GRM7: variants seen among roughly 807,000 people sequenced by gnomAD.
GRM7 encodes glutamate metabotropic receptor 7.
GRM7 carries 35 observed loss-of-function variants against 84.5 expected under a neutral mutation model. That is an observed-to-expected ratio of 0.41 (90% CI 0.32 to 0.55). GRM7 has a LOEUF of 0.55. GRM7 is among the 20% of genes least tolerant of loss of function. The pLI, the probability that GRM7 is intolerant of heterozygous loss-of-function variation, is 0.19. For missense variants in GRM7, 1,003 were observed against 1,194.6 expected (o/e 0.84, Z 2.36); for synonymous variants, 487 against 455.1 (o/e 1.07, Z -0.89).
chr3:7,275,896 C>G (rs1699034465), intron 2 of GRM7, among the ~76,000 whole-genome samples: 1 of 152,032 alleles, frequency 6.6e-6, no homozygotes, highest in African/African-American at 2.4e-5. Flanking sequence ...CAGATTTATC[C>G]ACACTGACCC....
At chr3:7,170,472 C>T (rs1694948057) in intron 2 of GRM7, among the ~76,000 whole-genome samples, 1 of 152,084 alleles carries the variant, frequency 6.6e-6, no homozygotes, top group Non-Finnish European at 1.5e-5. Flanking sequence ...CCCTGAATGC[C>T]AGATTGTTTT....
intron 1 of GRM7, among the ~76,000 whole-genome samples, chr3:7,012,930 G>A (rs1695426913): frequency 6.6e-6 from 1 of 152,104 alleles, no homozygotes; most frequent in Non-Finnish European, 1.5e-5. Context: ...TGTAGAGACA[G>A]GGTCTCAGTA....
At chr3:7,500,162 A>G (rs2124963190) in intron 7 of GRM7, among the ~76,000 whole-genome samples, 1 of 152,312 alleles carries the variant, frequency 6.6e-6, no homozygotes. Flanking sequence ...ATACCAGGTT[A>G]AGGTATCTTC....
intron 4 of GRM7, among the ~76,000 whole-genome samples, chr3:7,371,240 C>G (rs1476096775): frequency 6.6e-6 from 1 of 152,126 alleles, no homozygotes; most frequent in African/African-American, 2.4e-5. Context: ...GCTATGGAAG[C>G]TTCTGAAAAC....
At chr3:7,652,401 G>A (rs748661611) in intron 8 of GRM7, among the ~76,000 whole-genome samples, 8 of 152,172 alleles carry the variant, frequency 5.3e-5, no homozygotes, top group East Asian at 1.9e-4. Flanking sequence ...AGCAGTACCC[G>A]GCAAAGAGCA....
At chr3:7,658,254 A>G (rs145342590) in intron 8 of GRM7, among the ~76,000 whole-genome samples, 113 of 152,368 alleles carry the variant, frequency 7.4e-4, no homozygotes, top group African/African-American at 2.5e-3. Context: ...TAATGAATTT[A>G]GAGCATACAG....
intron 9 of GRM7, among the ~76,000 whole-genome samples, chr3:7,739,939 C>A (rs1702633482): frequency 6.6e-6 from 1 of 152,166 alleles, no homozygotes; most frequent in Admixed American, 6.6e-5. Flanking sequence ...CTGCATTCAA[C>A]CTCAACTAAT....
At chr3:7,314,354 A>G (rs1454679457) in intron 4 of GRM7, among the ~76,000 whole-genome samples, 1 of 150,768 alleles carries the variant, frequency 6.6e-6, no homozygotes, top group Non-Finnish European at 1.5e-5. Context: ...CACTGTCATC[A>G]CATCATCATT....
intron 1 of GRM7, among the ~76,000 whole-genome samples, chr3:7,143,547 A>T (rs911068760): frequency 6.6e-6 from 1 of 152,166 alleles, no homozygotes; most frequent in African/African-American, 2.4e-5. Flanking sequence ...GATAGACCAC[A>T]GATAGTAACC....
intron 1 of GRM7, among the ~76,000 whole-genome samples, chr3:6,946,732 T>A (rs1057048648): frequency 1.3e-5 from 2 of 152,224 alleles, no homozygotes; most frequent in Admixed American, 1.3e-4. Flanking sequence ...CTCTTTTATT[T>A]CATTGAGCAG....
chr3:7,340,981 C>CA (rs1701616191), intron 4 of GRM7, among the ~76,000 whole-genome samples: 1 of 152,110 alleles, frequency 6.6e-6, no homozygotes, highest in South Asian at 2.1e-4. Context: ...CTCTGCCTCT[C>CA]ACAGCTTCCT....
At chr3:7,268,013 A>G (rs1698710949) in intron 2 of GRM7, among the ~76,000 whole-genome samples, 1 of 152,176 alleles carries the variant, frequency 6.6e-6, no homozygotes. Flanking sequence ...TGGTCACAGT[A>G]GAGAGAACCT....
chr3:7,201,593 T>C (rs1396189741), intron 2 of GRM7, among the ~76,000 whole-genome samples: 1 of 152,202 alleles, frequency 6.6e-6, no homozygotes, highest in African/African-American at 2.4e-5. Context: ...AGGTTTGCTA[T>C]GTACCAGGTA....
At chr3:7,362,358 A>G (rs889262763) in intron 4 of GRM7, among the ~76,000 whole-genome samples, 42 of 152,056 alleles carry the variant, frequency 2.8e-4, no homozygotes, top group African/African-American at 9.9e-4. Context: ...ACACACACAC[A>G]CACTTTTGTC....
chr3:7,162,572 G>T (rs1401752019), intron 2 of GRM7, among the ~76,000 whole-genome samples: 1 of 151,656 alleles, frequency 6.6e-6, no homozygotes, highest in Non-Finnish European at 1.5e-5. Context: ...AAGAATGGGA[G>T]GTGAGAAATT....
At chr3:7,595,627 A>T (rs956168826) in intron 8 of GRM7, among the ~76,000 whole-genome samples, 1 of 152,090 alleles carries the variant, frequency 6.6e-6, no homozygotes, top group African/African-American at 2.4e-5. Context: ...GCGGTCAGGG[A>T]TGCCATCTTG....
At chr3:6,962,772 C>T (rs1693351431) in intron 1 of GRM7, among the ~76,000 whole-genome samples, 1 of 152,040 alleles carries the variant, frequency 6.6e-6, no homozygotes, top group Non-Finnish European at 1.5e-5. Flanking sequence ...ATTTTACCAC[C>T]AAAGCAGTGA....
intron 9 of GRM7, among the ~76,000 whole-genome samples, chr3:7,716,620 C>T (rs958650620): frequency 2.0e-5 from 3 of 152,156 alleles, no homozygotes; most frequent in African/African-American, 7.2e-5. Context: ...ATGAAATTAA[C>T]AGCCCCAGTC....
chr3:6,911,960 C>T (rs1290918797), intron 1 of GRM7, among the ~76,000 whole-genome samples: 1 of 152,000 alleles, frequency 6.6e-6, no homozygotes, highest in Non-Finnish European at 1.5e-5. Context: ...AAAAATGATT[C>T]GGTAATTAAG....
Sources: gnomAD v4.1 joint callset for allele counts (sites outside exome capture counted in the v4.1 genomes callset) on GRCh38, gnomAD v4.1.1 for gene constraint, MANE v1.5 for transcripts, NCBI Gene and HGNC (gene_info 2026-07-23, HGNC 2026-07-21) for gene names.